The following PRKAA1 variants were observed in gnomAD, a reference collection of about 807,000 sequenced individuals.
The protein encoded by PRKAA1 is 5'-AMP-activated protein kinase catalytic subunit alpha-1.
PRKAA1 carries 23 observed loss-of-function variants against 56.9 expected under a neutral mutation model. The ratio of observed to expected loss-of-function variants is 0.40; its 90% CI spans 0.29 to 0.57. PRKAA1 has a LOEUF of 0.57. Among genes scored for constraint, PRKAA1 ranks in the 20% least tolerant of loss-of-function variants. The pLI is 0.39. For missense variants in PRKAA1, 413 were observed against 679.7 expected (o/e 0.61, Z 4.36); for synonymous variants, 226 against 227.0 (o/e 1.00, Z 0.04).
intron 4 of PRKAA1, among the ~76,000 whole-genome samples, chr5:40,769,723 A>C (rs1013369167): frequency 3.3e-5 from 5 of 152,122 alleles, no homozygotes; most frequent in Non-Finnish European, 7.4e-5. Flanking sequence ...TTAGAGTTTA[A>C]TACAAATATA....
chr5:40,782,670 CAGTA>C (rs951573596), intron 1 of PRKAA1, among the ~76,000 whole-genome samples: 1 of 151,878 alleles, frequency 6.6e-6, no homozygotes, highest in Non-Finnish European at 1.5e-5. Context: ...ATTTAGAAAA[CAGTA>C]GGTAGTAGCA....
chr5:40,786,487 G>A (rs1270858443), intron 1 of PRKAA1, among the ~76,000 whole-genome samples: 2 of 151,804 alleles, frequency 1.3e-5, no homozygotes, highest in African/African-American at 4.8e-5. Flanking sequence ...TTCTAAAGAA[G>A]TACCAAACAG....
intron 1 of PRKAA1, among the ~76,000 whole-genome samples, chr5:40,787,576 G>T (rs1744545622): frequency 6.6e-6 from 1 of 151,944 alleles, no homozygotes; most frequent in South Asian, 2.1e-4. Context: ...ATGGAAGAGG[G>T]GGAGTAAAAA....
chr5:40,770,371 T>A (rs1363818559), intron 4 of PRKAA1, among the ~76,000 whole-genome samples: 1 of 151,740 alleles, frequency 6.6e-6, no homozygotes, highest in Non-Finnish European at 1.5e-5. Flanking sequence ...GAGGCCAAGG[T>A]GGGAGAATTA....
intron 1 of PRKAA1, among the ~76,000 whole-genome samples, chr5:40,791,641 T>A (rs576401718): frequency 6.6e-6 from 1 of 152,316 alleles, no homozygotes; most frequent in African/African-American, 2.4e-5. Flanking sequence ...ATTCCCACTT[T>A]AAAATTGAAA....
intron 8 of PRKAA1, among the ~76,000 whole-genome samples, chr5:40,764,034 C>G (rs1022747196): frequency 2.0e-5 from 3 of 152,176 alleles, no homozygotes; most frequent in Admixed American, 1.3e-4. Flanking sequence ...CTCAGCCTCC[C>G]AAAGTGCTGG....
chr5:40,764,597 A>G lies in PRKAA1; in HGVS notation c.1352T>C (p.Val451Ala). The G allele has an allele frequency of 1.2e-6, 2 of 1,613,968 alleles. No homozygotes were observed. Among genetic ancestry groups the G allele is most frequent in the Non-Finnish European group, 1.7e-6 (2 of 1,179,918 alleles). ...YYLRVRRKNPVTSTYSKMSLQ... is the reference protein window; with the variant it reads ...YYLRVRRKNPATSTYSKMSLQ... The stretch of plus-strand genomic sequence containing the variant: ...ACTCATTTTGGAGTAAGTGCTTGTC[A>G]CAGGATTCTTCCTTCGTACACGCAA... The change falls in exon 8 of 9, where the codon GTG becomes GCG. Residue 451 changes from valine to alanine, a missense_variant. Val to Ala is a moderately conservative substitution (Grantham distance 64, BLOSUM62 0). Around this residue, in one of 9 missense-constraint regions of PRKAA1, gnomAD observed 139 missense variants for 171.5 expected, o/e 0.81. Coordinates refer to ENST00000397128, the MANE Select transcript of PRKAA1 (RefSeq NM_006251.6).
intron 3 of PRKAA1, among the ~76,000 whole-genome samples, chr5:40,772,893 A>C (rs1378418203): frequency 6.6e-6 from 1 of 152,172 alleles, no homozygotes; most frequent in Non-Finnish European, 1.5e-5. Context: ...TCAGCATCCC[A>C]AAGTGCTGAG....
Position 40,777,421 on chromosome 5 carries a change from A to G in PRKAA1, c.269+24T>C, listed in dbSNP as rs1275708064. ...AAAAAGATGAAAAGATGACTGGACTATATTTAATATAAACAGAGCTTACAG... is the reference window on the plus strand; with the variant it reads ...AAAAAGATGAAAAGATGACTGGACTGTATTTAATATAAACAGAGCTTACAG... On this transcript the variant is annotated intron_variant, in intron 2 of 8. Coordinates refer to ENST00000397128, the MANE Select transcript of PRKAA1 (RefSeq NM_006251.6). 25 of 1,559,726 alleles carry G rather than the reference A, an allele frequency of 1.6e-5. No individual in the cohort carries two copies. The South Asian group carries it at 2.1e-4, about 13-fold the overall frequency.
intron 4 of PRKAA1, among the ~76,000 whole-genome samples, chr5:40,770,523 A>C (rs1028409278): frequency 3.3e-5 from 5 of 152,096 alleles, no homozygotes; most frequent in Admixed American, 1.3e-4. Context: ...AAAGAAAAGA[A>C]GAGATTCCTT....
rs1739585790 is a variant in PRKAA1, at chr5:40,765,163, A to C, written c.897T>G (p.Ile299Met). ...ATACTTCTTTTAAGGCTTCATCATC[A>C]ATCATGGTTGAACTATATGATGGAT... ...PEDPSYSSTM[I>M]DDEALKEVCE... The change falls in exon 7 of 9, where the codon ATT (isoleucine) becomes ATG (methionine). Residue 299 changes from isoleucine (I) to methionine (M), a missense_variant. By Grantham distance (10) the Ile-to-Met change is conservative. Coordinates refer to ENST00000397128, the MANE Select transcript of PRKAA1 (RefSeq NM_006251.6). 6.2e-7 allele frequency: 1 copy of C among 1,614,018 alleles called. No homozygotes were observed. The highest frequency in any genetic ancestry group is 8.5e-7 in the Non-Finnish European group (1 of 1,179,964).
At position 40,760,704 on chromosome 5, in the gene PRKAA1, A is replaced by C. The variant is rs1743147797; in HGVS notation, c.*2074T>G. On this transcript the variant is annotated 3_prime_UTR_variant, in exon 9 of 9. Transcript: ENST00000397128. ...GCAGCAAGATTTTTCTTTTGAATTC[A>C]GTGCATGATTCTAGAAGTGCTTGAG... The C allele has an allele frequency of 6.5e-6, 1 of 152,748 alleles. No individual in the cohort carries two copies. 9.5% of individuals were successfully genotyped at this position (152,748 alleles called of 1,614,324 possible).
chr5:40,789,330 T>C (rs556959730), intron 1 of PRKAA1, among the ~76,000 whole-genome samples: 7 of 152,310 alleles, frequency 4.6e-5, no homozygotes, highest in African/African-American at 1.7e-4. Flanking sequence ...ACCTCACACC[T>C]GTTAGACTGG....
intron 3 of PRKAA1, among the ~76,000 whole-genome samples, chr5:40,773,341 T>C (rs1257277823): frequency 1.2e-5 from 1 of 84,548 alleles, no homozygotes; most frequent in East Asian, 4.5e-4. Context: ...AAACAAAATA[T>C]AAAAAGTAAA....
rs1450317419 is a variant in PRKAA1 at position 40,798,047 on chromosome 5, C to T, written c.127+16G>A. The T allele has an allele frequency of 1.2e-6, 2 of 1,607,044 alleles. No homozygotes were observed. Among genetic ancestry groups the T allele is most frequent in the South Asian group, 1.1e-5 (1 of 90,934 alleles). On this transcript the variant is annotated intron_variant, in intron 1 of 8. Coordinates refer to ENST00000397128, the MANE Select transcript of PRKAA1 (RefSeq NM_006251.6). The stretch of plus-strand genomic sequence containing the variant: ...CTCCTCAGCTGGGGCCAAGCCTAGT[C>T]CCGCGGGGTTCTCACCCTTCACTTT...
chr5:40,797,018 GT>G (rs1004507082), intron 1 of PRKAA1, among the ~76,000 whole-genome samples: 1 of 151,886 alleles, frequency 6.6e-6, no homozygotes, highest in East Asian at 1.9e-4. Context: ...GCAATTAAAC[GT>G]TTTTTTGCCA....
chr5:40,768,424 C>T (rs1743571255), intron 5 of PRKAA1: 2 of 922,714 alleles, frequency 2.2e-6, no homozygotes, highest in Middle Eastern at 5.5e-4. Flanking sequence ...TAAATAACAA[C>T]TTTCCACAGT....
chr5:40,762,262 ACT>A lies in PRKAA1; in HGVS notation c.*514_*515del, dbSNP rs1169700430. 1 of 156,270 alleles carries A rather than the reference ACT, an allele frequency of 6.4e-6. No homozygotes were observed. The highest frequency in any genetic ancestry group is 1.4e-5 in the Non-Finnish European group (1 of 70,668). 9.7% of individuals were successfully genotyped at this position (156,270 alleles called of 1,614,324 possible). On this transcript the variant is annotated 3_prime_UTR_variant, in exon 9 of 9. Transcript: ENST00000397128. The stretch of plus-strand genomic sequence containing the variant: ...ACTCCAGCCTGGGTGACAAAGTGAC[ACT>A]GTCTCAAAAAAACAAAGAGGGAGGG...
At position 40,767,568 on chromosome 5, in the gene PRKAA1, C is replaced by A; in HGVS notation, c.719G>T (p.Gly240Val). The stretch of plus-strand genomic sequence containing the variant: ...TAAATATTGAGGGGTATAGAAGATC[C>A]CATCACATATCTTCTTAAAAAGAGT... ...VPTLFKKICD[G>V]IFYTPQYLNP... is the part of the protein sequence containing the mutation. Residue 240 changes from glycine to valine, a missense_variant, in exon 6 of 9, where the codon GGG becomes GTG. Physicochemically the swap from Gly to Val is moderately radical, Grantham distance 109 (BLOSUM62 -3). Coordinates refer to ENST00000397128, the MANE Select transcript of PRKAA1 (RefSeq NM_006251.6). 3.1e-6 allele frequency: 5 copies of A among 1,612,662 alleles called. No homozygotes were observed. Among genetic ancestry groups the A allele is most frequent in the Non-Finnish European group, 4.2e-6 (5 of 1,178,834 alleles).
Sources: gnomAD v4.1 joint callset for allele counts (sites outside exome capture counted in the v4.1 genomes callset) on GRCh38, gnomAD v4.1.1 for gene constraint, gnomAD v4.1.1 regional missense constraint, MANE v1.5 for transcripts, NCBI Gene and HGNC (gene_info 2026-07-23, HGNC 2026-07-21) for gene names.